Variants in SIL1 observed in about 807,000 individuals in gnomAD.
The protein encoded by SIL1 is nucleotide exchange factor SIL1.
SIL1 carries 40 observed loss-of-function variants against 49.1 expected under a neutral mutation model. The observed-to-expected ratio is 0.81, with a 90% CI of 0.63 to 1.06. The LOEUF is 1.06. Among genes scored for constraint, SIL1 ranks in the 50% least tolerant of loss-of-function variants. SIL1 has a pLI of 0.00. For synonymous variants in SIL1, 253 were observed against 250.8 expected, an observed-to-expected ratio of 1.01 and a Z score of -0.08; for missense variants, 500 against 572.6, an observed-to-expected ratio of 0.87 and a Z score of 1.29.
chr5:139,033,353 T>G (rs1221448295), intron 5 of SIL1, among the ~76,000 whole-genome samples: 1 of 151,952 alleles, frequency 6.6e-6, no homozygotes, highest in Non-Finnish European at 1.5e-5. Flanking sequence ...TTTTCTCTAC[T>G]GTTTTCATGT....
chr5:139,011,006 C>T (rs1362980626), intron 7 of SIL1, among the ~76,000 whole-genome samples: 16 of 147,612 alleles, frequency 1.1e-4, no homozygotes, highest in African/African-American at 3.3e-4. Context: ...TCGAGCTTCC[C>T]GGCTGCTTTG....
chr5:138,976,061 G>A (rs1767387224), intron 7 of SIL1, among the ~76,000 whole-genome samples: 3 of 152,222 alleles, frequency 2.0e-5, no homozygotes. Flanking sequence ...CAAACCTGGT[G>A]TCAGGGCCAG....
chr5:139,035,776 GTA>G (rs1175554423), intron 5 of SIL1: 1 of 180,126 alleles, frequency 5.6e-6, no homozygotes, highest in Non-Finnish European at 1.1e-5. Flanking sequence ...AGCCTCCTGA[GTA>G]GCTGGGACTA....
intron 1 of SIL1, among the ~76,000 whole-genome samples, chr5:139,150,820 T>C (rs1166205270): frequency 2.0e-5 from 3 of 152,090 alleles, no homozygotes; most frequent in Non-Finnish European, 2.9e-5. Context: ...TTTGGGAGCC[T>C]AGCCCAAAGC....
intron 2 of SIL1, among the ~76,000 whole-genome samples, chr5:139,126,978 G>A (rs1020242096): frequency 6.6e-5 from 10 of 152,148 alleles, no homozygotes; most frequent in African/African-American, 2.2e-4. Context: ...GAGAGGGAGG[G>A]CATTAGGAGC....
intron 1 of SIL1, among the ~76,000 whole-genome samples, chr5:139,180,487 G>C (rs552577380): frequency 1.5e-4 from 22 of 149,624 alleles, no homozygotes; most frequent in African/African-American, 4.2e-4. Flanking sequence ...GCCCCACTCT[G>C]CTCCTCACCC....
chr5:138,955,599 C>T (rs924282484), intron 7 of SIL1, among the ~76,000 whole-genome samples: 4 of 152,206 alleles, frequency 2.6e-5, no homozygotes, highest in Non-Finnish European at 5.9e-5. Context: ...GGAAGGCAGC[C>T]CAGCTCGGCC....
At chr5:139,106,772 A>C (rs1362954718) in intron 3 of SIL1, among the ~76,000 whole-genome samples, 1 of 152,270 alleles carries the variant, frequency 6.6e-6, no homozygotes, top group Non-Finnish European at 1.5e-5. Flanking sequence ...AGTCATAAGA[A>C]AAGCACATGT....
intron 5 of SIL1, among the ~76,000 whole-genome samples, chr5:139,040,690 G>A (rs1317466688): frequency 6.6e-6 from 1 of 151,274 alleles, no homozygotes; most frequent in Non-Finnish European, 1.5e-5. Flanking sequence ...GTAGAGACGG[G>A]GTTTCACCAT....
chr5:139,106,419 G>A (rs947258706), intron 3 of SIL1, among the ~76,000 whole-genome samples: 10 of 152,258 alleles, frequency 6.6e-5, no homozygotes, highest in Middle Eastern at 3.4e-3. Flanking sequence ...ACACAATTCG[G>A]AGCCTAGCCA....
chr5:139,004,430 T>C (rs944131667), intron 7 of SIL1, among the ~76,000 whole-genome samples: 4 of 152,220 alleles, frequency 2.6e-5, no homozygotes, highest in Admixed American at 6.5e-5. Context: ...TTAAAGAGGT[T>C]TGGAAAAGTA....
chr5:139,088,147 T>C (rs1770264966), intron 3 of SIL1, among the ~76,000 whole-genome samples: 1 of 152,278 alleles, frequency 6.6e-6, no homozygotes, highest in Non-Finnish European at 1.5e-5. Context: ...ACAGAGAATC[T>C]GACCCTCTGC....
intron 7 of SIL1, among the ~76,000 whole-genome samples, chr5:138,997,704 G>A (rs146832489): frequency 0.012 from 1,824 of 152,274 alleles, 34 homozygotes; most frequent in African/African-American, 0.041. Context: ...GACTACAGGC[G>A]TGTGCCACTA....
At chr5:138,993,389 T>A (rs1470709097) in intron 7 of SIL1, among the ~76,000 whole-genome samples, 1 of 152,158 alleles carries the variant, frequency 6.6e-6, no homozygotes, top group East Asian at 1.9e-4. Flanking sequence ...GCTGTTTACA[T>A]GGAAAAAATA....
chr5:139,120,954 A>G, intron 3 of SIL1, 81 bp downstream of exon 3: 1 of 1,562,402 alleles, frequency 6.4e-7, no homozygotes, highest in Non-Finnish European at 8.8e-7. Flanking sequence ...AGCAGCCTGA[A>G]GGAGCAGCCC....
At chr5:139,054,960 C>T (rs140298736) in intron 3 of SIL1, among the ~76,000 whole-genome samples, 2 of 152,292 alleles carry the variant, frequency 1.3e-5, no homozygotes, top group East Asian at 1.9e-4. Flanking sequence ...ATAATCTGAC[C>T]TGTATCCTTC....
intron 1 of SIL1, among the ~76,000 whole-genome samples, chr5:139,164,209 G>A (rs1751573573): frequency 1.3e-5 from 2 of 151,686 alleles, no homozygotes; most frequent in Non-Finnish European, 2.9e-5. Flanking sequence ...CAAAGGCCAC[G>A]CAACATGTAC....
intron 5 of SIL1, chr5:139,034,259 A>G (rs146736774): frequency 6.6e-6 from 1 of 152,250 alleles, no homozygotes; most frequent in East Asian, 1.9e-4. Flanking sequence ...AAAATTCATT[A>G]TGAAAATCTG....
intron 3 of SIL1, among the ~76,000 whole-genome samples, chr5:139,099,350 A>G (rs1379622773): frequency 6.6e-6 from 1 of 152,186 alleles, no homozygotes; most frequent in African/African-American, 2.4e-5. Context: ...TTACTACACC[A>G]CTATGGAGAA....
Sources: gnomAD v4.1 joint callset for allele counts (sites outside exome capture counted in the v4.1 genomes callset) on GRCh38, gnomAD v4.1.1 for gene constraint, MANE v1.5 for transcripts, NCBI Gene and HGNC (gene_info 2026-07-23, HGNC 2026-07-21) for gene names.